AKT3: variants seen among roughly 807,000 people sequenced by gnomAD.
The protein encoded by AKT3 is RAC-gamma serine/threonine-protein kinase.
Under a neutral mutation model 65.3 loss-of-function variants are expected in AKT3, and 15 were observed. The observed-to-expected ratio is 0.23, with a 90% CI of 0.15 to 0.35. The LOEUF (loss-of-function observed/expected upper bound fraction) is 0.35. Among genes scored for constraint, AKT3 ranks in the 10% least tolerant of loss-of-function variants. AKT3 has a pLI of 1.00. For synonymous variants in AKT3, 206 were observed against 183.8 expected (o/e 1.12, Z -0.98); for missense variants, 243 against 576.5 (o/e 0.42, Z 5.92).
chr1:243,564,265 A>G (rs1673999413), intron 9 of AKT3, among the ~76,000 whole-genome samples: 1 of 152,194 alleles, frequency 6.6e-6, no homozygotes, highest in African/African-American at 2.4e-5. Context: ...ATCTATTGCT[A>G]TTATAAAATA....
chr1:243,649,358 T>A (rs1681109607), intron 4 of AKT3, among the ~76,000 whole-genome samples: 1 of 114,880 alleles, frequency 8.7e-6, no homozygotes, highest in Admixed American at 9.2e-5. Context: ...TGTGTGTGTG[T>A]ATGTTGGGTG....
intron 12 of AKT3, among the ~76,000 whole-genome samples, chr1:243,523,242 C>A (rs1388918632): frequency 6.7e-6 from 1 of 148,652 alleles, no homozygotes; most frequent in African/African-American, 2.5e-5. Flanking sequence ...TTTTGAAGCT[C>A]TGGCTCCAAA....
At chr1:243,663,907 TA>T (rs1323289740) in intron 4 of AKT3, among the ~76,000 whole-genome samples, 14 of 152,112 alleles carry the variant, frequency 9.2e-5, no homozygotes, top group Non-Finnish European at 4.4e-5. Flanking sequence ...ATCAGGAGGA[TA>T]AAAATGTGGA....
chr1:243,758,315 A>G (rs1204664754), intron 2 of AKT3, among the ~76,000 whole-genome samples: 1 of 152,212 alleles, frequency 6.6e-6, no homozygotes, highest in Non-Finnish European at 1.5e-5. Context: ...AACCAAGGGA[A>G]GTCTCATTGA....
chr1:243,686,745 G>A (rs1423130841), intron 3 of AKT3, among the ~76,000 whole-genome samples: 4 of 129,342 alleles, frequency 3.1e-5, no homozygotes, highest in Non-Finnish European at 6.2e-5. Context: ...TTGGCTCACT[G>A]CAACTTCCAC....
At chr1:243,599,210 C>T (rs1450421822) in intron 8 of AKT3, among the ~76,000 whole-genome samples, 1 of 151,894 alleles carries the variant, frequency 6.6e-6, no homozygotes, top group Non-Finnish European at 1.5e-5. Flanking sequence ...CAGACCTGCA[C>T]TACAAAAACA....
At chr1:243,831,621 G>A (rs1417554021) in intron 2 of AKT3, among the ~76,000 whole-genome samples, 1 of 152,090 alleles carries the variant, frequency 6.6e-6, no homozygotes, top group Non-Finnish European at 1.5e-5. Context: ...TAGAAACTAT[G>A]GAAACAGTTA....
At position 243,722,222 on chromosome 1, in the gene AKT3, G is replaced by A. The variant is rs139651888; in HGVS notation, c.47-26506C>T. ...ATTCGTGTTGCAAGGACTAGACTGC[G>A]AGCTTAAGGTTTTATTATATTATGC... On this transcript the variant is annotated intron_variant, in intron 2 of 13. Transcript: ENST00000673466. Among the ~76,000 whole-genome samples, 60 of 152,214 alleles carry A rather than the reference G, an allele frequency of 3.9e-4. No individual in the cohort carries two copies. In the East Asian group the frequency reaches 7.7e-3, roughly 20 times the overall value.
chr1:243,818,989 G>GT (rs1693695904), intron 2 of AKT3, among the ~76,000 whole-genome samples: 1 of 152,216 alleles, frequency 6.6e-6, no homozygotes, highest in Non-Finnish European at 1.5e-5. Context: ...AGGAAACCAT[G>GT]TTTTTTCCAC....
chr1:243,528,932 T>C (rs1671335810), intron 12 of AKT3, among the ~76,000 whole-genome samples: 1 of 152,184 alleles, frequency 6.6e-6, no homozygotes, highest in African/African-American at 2.4e-5. Context: ...AGTGTATAAG[T>C]GTTCCCATTT....
intron 2 of AKT3, among the ~76,000 whole-genome samples, chr1:243,771,133 C>T (rs1690158075): frequency 1.3e-5 from 2 of 152,112 alleles, no homozygotes. Flanking sequence ...CACGAATGTT[C>T]TTGTAGTCAA....
At chr1:243,658,722 TATCC>T (rs1306916400) in intron 4 of AKT3, among the ~76,000 whole-genome samples, 3 of 152,102 alleles carry the variant, frequency 2.0e-5, no homozygotes, top group Non-Finnish European at 2.9e-5. Context: ...ACAATCTAAA[TATCC>T]ATCAGCAGAT....
chr1:243,708,191 G>A (rs971048599), intron 2 of AKT3, among the ~76,000 whole-genome samples: 1 of 151,920 alleles, frequency 6.6e-6, no homozygotes, highest in East Asian at 1.9e-4. Context: ...GACTAGAACT[G>A]AACATGTTTA....
intron 8 of AKT3, among the ~76,000 whole-genome samples, chr1:243,596,462 A>G (rs1350467264): frequency 6.6e-6 from 1 of 152,206 alleles, no homozygotes; most frequent in Non-Finnish European, 1.5e-5. Flanking sequence ...AGTATATGCA[A>G]TGGCAAAAAG....
At chr1:243,492,612 T>TG (rs1317285160) in intron 13 of AKT3, among the ~76,000 whole-genome samples, 1 of 141,652 alleles carries the variant, frequency 7.1e-6, no homozygotes, top group Non-Finnish European at 1.5e-5. Flanking sequence ...CTGTTTTTTT[T>TG]TTTTTTTTTT....
chr1:243,526,371 T>C (rs1671080695), intron 12 of AKT3, among the ~76,000 whole-genome samples: 1 of 152,046 alleles, frequency 6.6e-6, no homozygotes, highest in South Asian at 2.1e-4. Context: ...GCTCAAGGGC[T>C]AACAGGATGC....
chr1:243,620,396 T>C (rs1385038312), intron 6 of AKT3, among the ~76,000 whole-genome samples: 1 of 42,404 alleles, frequency 2.4e-5, no homozygotes, highest in Non-Finnish European at 1.3e-4. Context: ...GATATCACAT[T>C]GTGGTTTTGA....
chr1:243,707,845 A>G (rs58475926), intron 2 of AKT3, among the ~76,000 whole-genome samples: 1,590 of 152,254 alleles, frequency 0.01, 21 homozygotes, highest in African/African-American at 0.036. Flanking sequence ...GTGCACAGGA[A>G]TAAGTGTATT....
intron 1 of AKT3, among the ~76,000 whole-genome samples, chr1:243,845,393 C>A (rs531003224): frequency 1.4e-4 from 21 of 150,462 alleles, no homozygotes; most frequent in African/African-American, 5.1e-4. Flanking sequence ...CACTTATGTC[C>A]AGGAGTTCAA....
Sources: gnomAD v4.1 joint callset for allele counts (sites outside exome capture counted in the v4.1 genomes callset) on GRCh38, gnomAD v4.1.1 for gene constraint, MANE v1.5 for transcripts, NCBI Gene and HGNC (gene_info 2026-07-23, HGNC 2026-07-21) for gene names.